Variants in SUMF1 observed in about 807,000 individuals in gnomAD.
SUMF1 encodes sulfatase modifying factor 1.
Under a neutral mutation model 47.6 loss-of-function variants are expected in SUMF1, and 48 were observed. The ratio of observed to expected loss-of-function variants is 1.01; its 90% CI spans 0.80 to 1.28. The LOEUF (loss-of-function observed/expected upper bound fraction) is 1.28. Ranked by LOEUF, SUMF1 falls within the 50% of genes most tolerant of loss-of-function variation. SUMF1 has a pLI of 0.00. For synonymous variants in SUMF1, 230 were observed against 192.1 expected (o/e 1.20, Z -1.63); for missense variants, 571 against 485.4 (o/e 1.18, Z -1.66).
chr3:4,296,945 T>C (rs1453280795), intron 8 of SUMF1, among the ~76,000 whole-genome samples: 1 of 152,128 alleles, frequency 6.6e-6, no homozygotes, highest in Non-Finnish European at 1.5e-5. Context: ...AAACCAGAAA[T>C]AGACAGCTGT....
chr3:4,158,064 C>T (rs899246539), intron 8 of SUMF1, among the ~76,000 whole-genome samples: 1 of 151,614 alleles, frequency 6.6e-6, no homozygotes, highest in Non-Finnish European at 1.5e-5. Context: ...CAATTGAGTT[C>T]AATTCAAAGA....
chr3:4,191,322 T>G (rs1426892412), intron 8 of SUMF1, among the ~76,000 whole-genome samples: 1 of 152,132 alleles, frequency 6.6e-6, no homozygotes, highest in African/African-American at 2.4e-5. Context: ...CACACTTTGG[T>G]GCAGCTTCGA....
intron 8 of SUMF1, among the ~76,000 whole-genome samples, chr3:4,190,342 T>A (rs538616888): frequency 6.6e-6 from 1 of 152,256 alleles, no homozygotes; most frequent in South Asian, 2.1e-4. Flanking sequence ...CAGCAACGTG[T>A]CTGTAGGCAG....
At chr3:4,059,842 G>C (rs1398409756) in intron 9 of SUMF1, among the ~76,000 whole-genome samples, 1 of 150,894 alleles carries the variant, frequency 6.6e-6, no homozygotes, top group Non-Finnish European at 1.5e-5. Flanking sequence ...AAGTAAATCA[G>C]AGGTGACCAG....
At chr3:4,141,791 C>G (rs1406120660) in intron 8 of SUMF1, among the ~76,000 whole-genome samples, 1 of 152,154 alleles carries the variant, frequency 6.6e-6, no homozygotes, top group Non-Finnish European at 1.5e-5. Flanking sequence ...CCAAGAGATT[C>G]TAATCATCCA....
intron 3 of SUMF1, among the ~76,000 whole-genome samples, chr3:4,426,537 A>C (rs1438201917): frequency 6.6e-6 from 1 of 152,220 alleles, no homozygotes; most frequent in African/African-American, 2.4e-5. Flanking sequence ...CTTGAAAATA[A>C]GTGCTATTCT....
chr3:4,035,004 A>G (rs1559415419), intron 9 of SUMF1, among the ~76,000 whole-genome samples: 1 of 151,886 alleles, frequency 6.6e-6, no homozygotes, highest in Non-Finnish European at 1.5e-5. Context: ...GTCCAGGCCT[A>G]TGCTATGGTG....
At chr3:4,035,042 A>G (rs953833849) in intron 9 of SUMF1, among the ~76,000 whole-genome samples, 2 of 152,026 alleles carry the variant, frequency 1.3e-5, no homozygotes. Flanking sequence ...GACTGTGAGT[A>G]AAGACGTCAG....
At chr3:4,402,623 A>G (rs1701249209) in intron 7 of SUMF1, among the ~76,000 whole-genome samples, 1 of 152,186 alleles carries the variant, frequency 6.6e-6, no homozygotes, top group Non-Finnish European at 1.5e-5. Context: ...CTTTAAAACA[A>G]CCAAATCTGT....
intron 8 of SUMF1, among the ~76,000 whole-genome samples, chr3:4,287,778 GCTTTTC>G (rs1302974470): frequency 6.6e-6 from 1 of 152,188 alleles, no homozygotes; most frequent in African/African-American, 2.4e-5. Flanking sequence ...AGAATATAGT[GCTTTTC>G]CTTGTCATCT....
At chr3:4,173,635 C>A (rs1364502332) in intron 8 of SUMF1, among the ~76,000 whole-genome samples, 1 of 152,040 alleles carries the variant, frequency 6.6e-6, no homozygotes, top group African/African-American at 2.4e-5. Flanking sequence ...AATCCAAATG[C>A]CCATCAATGA....
chr3:4,309,166 C>T (rs1698307674), intron 8 of SUMF1, among the ~76,000 whole-genome samples: 2 of 152,160 alleles, frequency 1.3e-5, no homozygotes, highest in Admixed American at 6.5e-5. Context: ...TATTATCATG[C>T]AGGTGAAGCC....
At chr3:4,300,169 G>A (rs1313461020) in intron 8 of SUMF1, among the ~76,000 whole-genome samples, 5 of 152,160 alleles carry the variant, frequency 3.3e-5, no homozygotes, top group Non-Finnish European at 7.4e-5. Context: ...ATTCTCACAA[G>A]ATCCGGTCAT....
chr3:4,254,220 A>G (rs907531393), intron 8 of SUMF1, among the ~76,000 whole-genome samples: 1 of 152,086 alleles, frequency 6.6e-6, no homozygotes, highest in Admixed American at 6.5e-5. Context: ...CCTCCTCCAA[A>G]GGAACACAGT....
intron 8 of SUMF1, among the ~76,000 whole-genome samples, chr3:4,243,908 T>A (rs1040343550): frequency 6.6e-6 from 1 of 152,180 alleles, no homozygotes; most frequent in Non-Finnish European, 1.5e-5. Context: ...TCTTTGTAGG[T>A]CTCTAAGACC....
chr3:4,151,797 A>G (rs1341897433), intron 8 of SUMF1, among the ~76,000 whole-genome samples: 1 of 151,434 alleles, frequency 6.6e-6, no homozygotes, highest in East Asian at 1.9e-4. Context: ...GGCTATATGC[A>G]GCCTGTGGGC....
intron 8 of SUMF1, among the ~76,000 whole-genome samples, chr3:4,216,809 A>G (rs1297645706): frequency 6.6e-6 from 1 of 152,204 alleles, no homozygotes; most frequent in Admixed American, 6.5e-5. Flanking sequence ...CAAAACCACA[A>G]TGAGCTATCA....
intron 7 of SUMF1, among the ~76,000 whole-genome samples, chr3:4,386,862 G>GT (rs1700690735): frequency 6.7e-6 from 1 of 150,368 alleles, no homozygotes; most frequent in Non-Finnish European, 1.5e-5. Context: ...ATAATCATGT[G>GT]GTTTTTTTTT....
chr3:4,391,795 T>G (rs1210477083), intron 7 of SUMF1, among the ~76,000 whole-genome samples: 1 of 151,840 alleles, frequency 6.6e-6, no homozygotes, highest in Admixed American at 6.6e-5. Context: ...CTCTGCTCAT[T>G]GGTTTGGATA....
Sources: gnomAD v4.1 joint callset for allele counts (sites outside exome capture counted in the v4.1 genomes callset) on GRCh38, gnomAD v4.1.1 for gene constraint, MANE v1.5 for transcripts, NCBI Gene and HGNC (gene_info 2026-07-23, HGNC 2026-07-21) for gene names.